Variants in LRIG1 observed in about 807,000 individuals in gnomAD.
LRIG1 encodes the protein leucine rich repeats and immunoglobulin like domains 1.
Under a neutral mutation model 99.2 loss-of-function variants are expected in LRIG1, and 48 were observed. The observed-to-expected ratio is 0.48, with a 90% CI of 0.38 to 0.62. The LOEUF is 0.62. LRIG1 is among the 20% of genes least tolerant of loss of function. LRIG1 has a pLI of 0.00. For missense variants in LRIG1, 1,646 were observed against 1,434.4 expected, an observed-to-expected ratio of 1.15 and a Z score of -2.38; for synonymous variants, 772 against 596.1, an observed-to-expected ratio of 1.29 and a Z score of -4.30.
At chr3:66,416,421 C>T (rs1312788399) in intron 4 of LRIG1, among the ~76,000 whole-genome samples, 2 of 152,228 alleles carry the variant, frequency 1.3e-5, no homozygotes, top group Non-Finnish European at 2.9e-5. Flanking sequence ...AGTAATGACA[C>T]ACGGAATGAA....
intron 9 of LRIG1, among the ~76,000 whole-genome samples, chr3:66,400,336 A>T (rs1702008353): frequency 6.6e-6 from 1 of 152,190 alleles, no homozygotes; most frequent in Non-Finnish European, 1.5e-5. Flanking sequence ...CTCTGATGAG[A>T]ACCCACCAAA....
At chr3:66,409,583 G>T (rs549709322) in intron 7 of LRIG1, among the ~76,000 whole-genome samples, 1 of 152,216 alleles carries the variant, frequency 6.6e-6, no homozygotes, top group Admixed American at 6.5e-5. Flanking sequence ...AGGCCACTGC[G>T]GTGCAAAACA....
intron 2 of LRIG1, among the ~76,000 whole-genome samples, chr3:66,458,539 T>G (rs1184364546): frequency 6.6e-6 from 1 of 151,422 alleles, no homozygotes; most frequent in African/African-American, 2.4e-5. Context: ...CCATCTCTAC[T>G]AAAAATACAA....
intron 6 of LRIG1, among the ~76,000 whole-genome samples, chr3:66,412,519 A>G (rs1454165303): frequency 1.3e-5 from 2 of 152,138 alleles, no homozygotes; most frequent in Non-Finnish European, 2.9e-5. Context: ...CTAGGAAAAT[A>G]CCCTCAGGTT....
At chr3:66,408,964 T>TGTGTGGG (rs1575668634) in intron 7 of LRIG1, among the ~76,000 whole-genome samples, 191 of 16,906 alleles carry the variant, frequency 0.011, no homozygotes, top group East Asian at 0.023. Context: ...GTGTGTGTGG[T>TGTGTGGG]GGGGGGAGGG....
chr3:66,434,993 G>T (rs986834318), intron 3 of LRIG1, among the ~76,000 whole-genome samples: 4 of 152,044 alleles, frequency 2.6e-5, no homozygotes, highest in African/African-American at 7.2e-5. Flanking sequence ...AAACACAAAT[G>T]TTCATAGCAG....
rs574690959 is a variant in LRIG1 at position 66,425,865 on chromosome 3, C to T, written c.366-8599G>A. Among the ~76,000 whole-genome samples the T allele has an allele frequency of 1.1e-4, 16 of 152,338 alleles. No homozygotes were observed. The South Asian group carries it at 1.7e-3, about 16-fold the overall frequency. On this transcript the variant is annotated intron_variant, in intron 3 of 18. Coordinates refer to ENST00000273261, the MANE Select transcript of LRIG1 (RefSeq NM_015541.3). ...CAAAAATAAAATCAGTCTTCAAAGGCGGAAAGCAGGCAAGATAAGCTCTCC... is the reference window on the plus strand; with the variant it reads ...CAAAAATAAAATCAGTCTTCAAAGGTGGAAAGCAGGCAAGATAAGCTCTCC...
intron 9 of LRIG1, among the ~76,000 whole-genome samples, chr3:66,403,483 G>T (rs540028954): frequency 6.6e-6 from 1 of 152,112 alleles, no homozygotes; most frequent in Non-Finnish European, 1.5e-5. Flanking sequence ...AAGTTCCCAG[G>T]AGTCTCAGGA....
chr3:66,472,384 C>T (rs1406496007), intron 1 of LRIG1, among the ~76,000 whole-genome samples: 1 of 149,750 alleles, frequency 6.7e-6, no homozygotes, highest in African/African-American at 2.5e-5. Flanking sequence ...AGGAAAGCTT[C>T]TTCGACTGCC....
At chr3:66,403,039 G>C (rs974150015) in intron 9 of LRIG1, among the ~76,000 whole-genome samples, 2 of 152,230 alleles carry the variant, frequency 1.3e-5, no homozygotes, top group East Asian at 3.9e-4. Context: ...TACTTCTCCG[G>C]TTCCCTTTCA....
rs577316470 is a variant in LRIG1, at chr3:66,427,783, C to G, written c.366-10517G>C. Among the ~76,000 whole-genome samples the G allele has an allele frequency of 3.0e-4, 46 of 152,306 alleles. 1 individual carries two copies. The South Asian group carries it at 6.2e-3, about 21-fold the overall frequency. On this transcript the variant is annotated intron_variant, in intron 3 of 18. Coordinates refer to ENST00000273261, the MANE Select transcript of LRIG1 (RefSeq NM_015541.3). ...AATTTCCGCACCCAGAAGCCTCCCT[C>G]CTCCTGTCTCCTGGTTGTTATTCCT...
At chr3:66,451,676 T>G in intron 2 of LRIG1, 43 bp from the exon 3 acceptor site, 2 of 1,437,870 alleles carry the variant, frequency 1.4e-6, no homozygotes. Context: ...GCATTTGAAT[T>G]AGTCTGAAAT....
intron 6 of LRIG1, among the ~76,000 whole-genome samples, chr3:66,411,538 G>A (rs567042127): frequency 8.4e-4 from 128 of 152,288 alleles, no homozygotes; most frequent in African/African-American, 2.9e-3. Context: ...GTAAAACAAA[G>A]GGTGGAGAAT....
At chr3:66,455,870 A>C (rs1700206570) in intron 2 of LRIG1, among the ~76,000 whole-genome samples, 1 of 152,246 alleles carries the variant, frequency 6.6e-6, no homozygotes, top group Non-Finnish European at 1.5e-5. Flanking sequence ...CGTAGGATAT[A>C]ATTACTTTAA....
At chr3:66,406,800 G>A (rs529640413) in intron 8 of LRIG1, among the ~76,000 whole-genome samples, 22 of 152,294 alleles carry the variant, frequency 1.4e-4, no homozygotes, top group African/African-American at 4.3e-4. Flanking sequence ...ACTGACCCCC[G>A]ACGAGGTACA....
chr3:66,428,986 T>C (rs946906207), intron 3 of LRIG1, among the ~76,000 whole-genome samples: 4 of 152,142 alleles, frequency 2.6e-5, no homozygotes. Flanking sequence ...GGAGACTGGA[T>C]AAAAAACAAG....
chr3:66,485,750 G>C (rs1485824793), intron 1 of LRIG1, among the ~76,000 whole-genome samples: 3 of 152,098 alleles, frequency 2.0e-5, no homozygotes, highest in Non-Finnish European at 4.4e-5. Flanking sequence ...AAACATATGT[G>C]CATGTTACCA....
At chr3:66,467,768 C>T (rs769796866) in intron 1 of LRIG1, among the ~76,000 whole-genome samples, 8 of 152,248 alleles carry the variant, frequency 5.3e-5, no homozygotes, top group Non-Finnish European at 1.2e-4. Flanking sequence ...TTCTATTAAA[C>T]TGTGCTGTGT....
chr3:66,469,451 T>C (rs1575715897), intron 1 of LRIG1, among the ~76,000 whole-genome samples: 1 of 152,210 alleles, frequency 6.6e-6, no homozygotes, highest in Non-Finnish European at 1.5e-5. Flanking sequence ...TGCCTATTTT[T>C]ACTCCTTAAA....
Sources: allele counts gnomAD v4.1 joint callset (sites outside exome capture counted in the v4.1 genomes callset), GRCh38; gene constraint gnomAD v4.1.1; transcripts MANE v1.5; gene names NCBI Gene and HGNC (gene_info 2026-07-23, HGNC 2026-07-21).